The following UTP20 variants were observed in gnomAD, a reference collection of about 807,000 sequenced individuals.
UTP20 encodes UTP20 small subunit processome component, also known as small subunit processome component 20 homolog.
UTP20 carries 164 observed loss-of-function variants against 329.5 expected under a neutral mutation model. The ratio of observed to expected loss-of-function variants is 0.50; its 90% CI spans 0.44 to 0.57. UTP20 has a LOEUF of 0.57. Among genes scored for constraint, UTP20 ranks in the 20% least tolerant of loss-of-function variants. UTP20 has a pLI of 0.00. For missense variants in UTP20, 3,055 were observed against 3,284.2 expected, an observed-to-expected ratio of 0.93 and a Z score of 1.71; for synonymous variants, 1,151 against 1,159.3, an observed-to-expected ratio of 0.99 and a Z score of 0.14.
intron 56 of UTP20, among the ~76,000 whole-genome samples, chr12:101,377,407 T>G (rs1365715835): frequency 6.6e-6 from 1 of 152,144 alleles, no homozygotes; most frequent in African/African-American, 2.4e-5. Context: ...CTCAGCTCAC[T>G]GCAACCTTTG....
rs1049360452 is a variant in UTP20 at position 101,354,954 on chromosome 12, C to G, written c.5230C>G (p.Pro1744Ala). 2 of 1,614,008 alleles carry G rather than the reference C, an allele frequency of 1.2e-6. No homozygotes were observed. Among genetic ancestry groups the G allele is most frequent in the Non-Finnish European group, 1.7e-6 (2 of 1,180,022 alleles). ...CAACGGACAACCGGGAACCCCTGAT[C>G]CAGCTGACTCTGGAGGAACATCAGC... Reference protein sequence around the residue: ...SDNGQPGTPDPADSGGTSAKE... With the variant: ...SDNGQPGTPDAADSGGTSAKE... The change falls in exon 41 of 62, where the codon CCA becomes GCA. Residue 1744 changes from proline to alanine, a missense_variant. This residue lies in a region of UTP20 where 2,445 missense variants were observed against 2,575.5 expected (regional missense o/e 0.95). Transcript: ENST00000261637.
In UTP20 at chr12:101,383,185, T is replaced by C. The variant is rs773719988; in HGVS notation, c.7801T>C (p.Ser2601Pro). 3.0e-5 allele frequency: 49 copies of C among 1,613,548 alleles called. No homozygotes were observed. Among genetic ancestry groups the C allele is most frequent in the Non-Finnish European group, 4.0e-5 (47 of 1,179,914 alleles). Reference protein sequence around the residue: ...GVACADEKAESDGEEKEEVKE... With the variant: ...GVACADEKAEPDGEEKEEVKE... ...GGCCTGTGCAGATGAGAAGGCGGAGTCTGACGGAGAAGAGAAGGAAGAGGT... is the reference window on the plus strand; with the variant it reads ...GGCCTGTGCAGATGAGAAGGCGGAGCCTGACGGAGAAGAGAAGGAAGAGGT... Residue 2601 changes from serine (S) to proline (P), a missense_variant, in exon 59 of 62, where the codon TCT becomes CCT. Coordinates refer to ENST00000261637, the MANE Select transcript of UTP20 (RefSeq NM_014503.3).
In UTP20 at chr12:101,285,673, G is replaced by A. The variant is rs554348520; in HGVS notation, c.193+37G>A. 1.3e-4 allele frequency: 202 copies of A among 1,613,568 alleles called. No homozygotes were observed. The South Asian group carries it at 2.0e-3, about 16-fold the overall frequency. The stretch of plus-strand genomic sequence containing the variant: ...TTCGTTTCTATTTTATTCACCCATA[G>A]TTTGCACTTTATATGTTCCATACAG... On this transcript the variant is annotated intron_variant, in intron 3 of 61. Transcript: ENST00000261637.
intron 2 of UTP20, among the ~76,000 whole-genome samples, chr12:101,283,674 G>A (rs1871868312): frequency 6.6e-6 from 1 of 152,118 alleles, no homozygotes; most frequent in East Asian, 1.9e-4. Flanking sequence ...ACATGAAAAT[G>A]CCTTAAAGGA....
At chr12:101,337,703 GA>G (rs1367193884) in intron 29 of UTP20, among the ~76,000 whole-genome samples, 1 of 152,166 alleles carries the variant, frequency 6.6e-6, no homozygotes. Flanking sequence ...CTTTTAGAAA[GA>G]GCTTAGACAT....
chr12:101,327,382 C>A (rs2137265243), intron 26 of UTP20, 135 bp downstream of exon 26: 2 of 882,852 alleles, frequency 2.3e-6, no homozygotes, highest in East Asian at 2.8e-5. Flanking sequence ...AATCTTTTTG[C>A]TGAAGTGCAA....
At chr12:101,328,547 T>A (rs1868643099) in intron 26 of UTP20, among the ~76,000 whole-genome samples, 1 of 151,958 alleles carries the variant, frequency 6.6e-6, no homozygotes. Flanking sequence ...CTGAATGAAA[T>A]GGAAAGTAAG....
chr12:101,291,790 G>A lies in UTP20; in HGVS notation c.940G>A (p.Glu314Lys), dbSNP rs751410004. Residue 314 changes from glutamate (E) to lysine (K), a missense_variant, in exon 9 of 62, where the codon GAA becomes AAA. Physicochemically the swap from Glu to Lys is moderately conservative, Grantham distance 56. Transcript: ENST00000261637. ...AAAAGTAACAAAAACTAACTGTTGT[G>A]AAAGTTCTGAACAGATTAAAAGGTT... The part of the protein sequence containing the change: ...HTKVTKTNCC[E>K]SSEQIKRLLE... The A allele has an allele frequency of 4.4e-6, 7 of 1,606,122 alleles. No homozygotes were observed. In the South Asian group the frequency reaches 7.9e-5, roughly 18 times the overall value.
At chr12:101,353,573 C>T (rs142451881) in intron 40 of UTP20, among the ~76,000 whole-genome samples, 73 of 152,266 alleles carry the variant, frequency 4.8e-4, no homozygotes, top group African/African-American at 1.6e-3. Flanking sequence ...CAGTGGCTCA[C>T]AACTGTAATC....
At chr12:101,351,101 C>T (rs1400070154) in intron 38 of UTP20, among the ~76,000 whole-genome samples, 1 of 151,584 alleles carries the variant, frequency 6.6e-6, no homozygotes, top group African/African-American at 2.4e-5. Flanking sequence ...GGTTGATATC[C>T]AAGATTTGGA....
At chr12:101,368,199 G>A (rs984114593) in intron 48 of UTP20, among the ~76,000 whole-genome samples, 1 of 150,128 alleles carries the variant, frequency 6.7e-6, no homozygotes, top group African/African-American at 2.4e-5. Flanking sequence ...TTGACTCATT[G>A]CAACCTCCAC....
intron 3 of UTP20, 27 bp from the exon 4 acceptor site, chr12:101,285,722 G>T (rs751364181): frequency 3.7e-6 from 6 of 1,613,024 alleles, no homozygotes; most frequent in East Asian, 2.2e-5. Flanking sequence ...TGATAGAAAA[G>T]AACATATTTT....
chr12:101,319,658 A>G (rs1466325205), intron 23 of UTP20, 23 bp downstream of exon 23: 4 of 1,556,066 alleles, frequency 2.6e-6, no homozygotes, highest in African/African-American at 1.4e-5. Flanking sequence ...AACTCTTGGC[A>G]TTATAATTCT....
intron 43 of UTP20, among the ~76,000 whole-genome samples, chr12:101,359,728 C>T (rs1302705331): frequency 6.6e-6 from 1 of 152,054 alleles, no homozygotes; most frequent in Non-Finnish European, 1.5e-5. Context: ...GCATTTGTTT[C>T]AGTCTTTCAG....
intron 30 of UTP20, among the ~76,000 whole-genome samples, chr12:101,338,511 T>G (rs867948249): frequency 3.2e-4 from 48 of 152,210 alleles, no homozygotes; most frequent in African/African-American, 1.1e-3. Context: ...TGAAAATGAT[T>G]TCTACTGTCA....
chr12:101,304,319 C>T (rs990031973), intron 15 of UTP20, among the ~76,000 whole-genome samples: 1 of 152,070 alleles, frequency 6.6e-6, no homozygotes, highest in Non-Finnish European at 1.5e-5. Context: ...TTGATTATCT[C>T]TCAAAAAGGG....
chr12:101,340,910 T>G (rs2137276516), intron 32 of UTP20, among the ~76,000 whole-genome samples: 1 of 146,594 alleles, frequency 6.8e-6, no homozygotes, highest in African/African-American at 2.5e-5. Flanking sequence ...CTAACAAGCC[T>G]GGAACCCAAG....
At chr12:101,374,768 C>CA (rs1196802390) in intron 54 of UTP20, 40 bp from the exon 55 acceptor site, 2 of 856,082 alleles carry the variant, frequency 2.3e-6, no homozygotes, top group Non-Finnish European at 4.0e-6. Flanking sequence ...AAAGGCCTCC[C>CA]AAGTTCTCTT....
Position 101,383,311 on chromosome 12 carries a change from A to G in UTP20, c.7927A>G (p.Lys2643Glu). ...TGCTTATTCGCCGAGAAACCCCTTA[A>G]AGGTGCGATGAATGCACAGAATGAC... ...EAAYSPRNPL[K>E]RTCIFKFLGA... Residue 2643 changes from lysine (K) to glutamate (E), a missense_variant and splice_region_variant, in exon 59 of 62, where the codon AAG becomes GAG. By Grantham distance (56) the Lys-to-Glu change is moderately conservative. Transcript: ENST00000261637. 11 of 1,613,044 alleles carry G rather than the reference A, an allele frequency of 6.8e-6. No homozygotes were observed. The highest frequency in any genetic ancestry group is 9.3e-6 in the Non-Finnish European group (11 of 1,179,656).
Sources: gnomAD v4.1 joint callset for allele counts (sites outside exome capture counted in the v4.1 genomes callset) on GRCh38, gnomAD v4.1.1 for gene constraint, gnomAD v4.1.1 regional missense constraint, MANE v1.5 for transcripts, NCBI Gene and HGNC (gene_info 2026-07-23, HGNC 2026-07-21) for gene names.